The following NR5A2 variants were observed in gnomAD, a reference collection of about 807,000 sequenced individuals.
The protein encoded by NR5A2 is nuclear receptor subfamily 5 group A member 2.
Under a neutral mutation model 62.7 loss-of-function variants are expected in NR5A2, and 26 were observed. The ratio of observed to expected loss-of-function variants is 0.41; its 90% CI spans 0.30 to 0.58. The LOEUF is 0.58. NR5A2 is among the 20% of genes least tolerant of loss of function. The probability of loss-of-function intolerance (pLI) is 0.22; values close to 1 mark genes in which losing one functional copy is unlikely to be tolerated. For synonymous variants in NR5A2, 246 were observed against 241.7 expected, an observed-to-expected ratio of 1.02 and a Z score of -0.16; for missense variants, 541 against 669.1, an observed-to-expected ratio of 0.81 and a Z score of 2.11.
intron 5 of NR5A2, among the ~76,000 whole-genome samples, chr1:200,067,146 C>T (rs1303415312): frequency 1.3e-5 from 2 of 152,186 alleles, no homozygotes; most frequent in East Asian, 3.9e-4. Context: ...CCTATCTATG[C>T]AGCCATAAAA....
intron 5 of NR5A2, among the ~76,000 whole-genome samples, chr1:200,104,010 A>C (rs1665521270): frequency 6.6e-6 from 1 of 152,190 alleles, no homozygotes; most frequent in Non-Finnish European, 1.5e-5. Flanking sequence ...TGGGAATAGA[A>C]AAGAGAGAGT....
chr1:200,069,864 T>A (rs1413201824), intron 5 of NR5A2, among the ~76,000 whole-genome samples: 2 of 118,146 alleles, frequency 1.7e-5, no homozygotes, highest in African/African-American at 6.6e-5. Context: ...TCTCTAATTA[T>A]GTCTCAATAT....
intron 5 of NR5A2, among the ~76,000 whole-genome samples, chr1:200,107,472 T>A (rs951231808): frequency 6.6e-6 from 1 of 152,076 alleles, no homozygotes; most frequent in Non-Finnish European, 1.5e-5. Flanking sequence ...CAGGATAATG[T>A]GAACAGCACA....
chr1:200,137,328 T>C (rs1667268716), intron 7 of NR5A2, among the ~76,000 whole-genome samples: 1 of 151,138 alleles, frequency 6.6e-6, no homozygotes, highest in Non-Finnish European at 1.5e-5. Context: ...TTTTTTTTTT[T>C]TTTTTTTTTA....
rs1001752241 is a variant in NR5A2, at chr1:200,154,937, C to T, written c.1379-19026C>T. 1.7e-4 allele frequency among the ~76,000 whole-genome samples: 26 copies of T among 152,182 alleles called. No homozygotes were observed. The East Asian group carries it at 1.7e-3, about 10-fold the overall frequency. On this transcript the variant is annotated intron_variant, in intron 7 of 7. Coordinates refer to ENST00000367362, the MANE Select transcript of NR5A2 (RefSeq NM_205860.3). ...TTTTACCTACCCAACAAGGTTTCTA[C>T]GCATTCCAGCCTCCAAGGAGGGGTG...
At chr1:200,116,963 A>G (rs1374967135) in intron 6 of NR5A2, among the ~76,000 whole-genome samples, 2 of 152,218 alleles carry the variant, frequency 1.3e-5, no homozygotes, top group Non-Finnish European at 2.9e-5. Context: ...ATTATCTTCT[A>G]TTATTGTGTA....
intron 5 of NR5A2, among the ~76,000 whole-genome samples, chr1:200,073,850 T>TA (rs1663872138): frequency 6.6e-6 from 1 of 152,174 alleles, no homozygotes; most frequent in Non-Finnish European, 1.5e-5. Context: ...AGTCCTTGCT[T>TA]ACTAGCCTCG....
chr1:200,079,142 A>G (rs572779424), intron 5 of NR5A2, among the ~76,000 whole-genome samples: 1 of 152,324 alleles, frequency 6.6e-6, no homozygotes, highest in East Asian at 1.9e-4. Context: ...TTTCACCAGA[A>G]CAAATGTTAT....
chr1:200,027,843 T>G lies in NR5A2; in HGVS notation c.-5T>G. ...GCCAAAGAACTGCCTATAATTTCAC[T>G]AAGAATGTCTTCTAATTCAGATACT... On this transcript the variant is annotated 5_prime_UTR_variant, in exon 1 of 8. Transcript: ENST00000367362. 1 of 1,598,448 alleles carries G rather than the reference T, an allele frequency of 6.3e-7. No homozygotes were observed. Among genetic ancestry groups the G allele is most frequent in the Non-Finnish European group, 8.5e-7 (1 of 1,171,944 alleles).
At chr1:200,067,979 AT>A (rs1361779275) in intron 5 of NR5A2, among the ~76,000 whole-genome samples, 2 of 152,116 alleles carry the variant, frequency 1.3e-5, no homozygotes, top group African/African-American at 4.8e-5. Flanking sequence ...CTTTAAAGGT[AT>A]TTTTCTCCTT....
At chr1:200,132,019 C>CT (rs1030263127) in intron 7 of NR5A2, among the ~76,000 whole-genome samples, 9 of 151,932 alleles carry the variant, frequency 5.9e-5, no homozygotes, top group East Asian at 3.9e-4. Context: ...AACATAGAGT[C>CT]TTTTTTTTGT....
intron 5 of NR5A2, among the ~76,000 whole-genome samples, chr1:200,073,129 A>G (rs1242264529): frequency 1.3e-5 from 2 of 151,522 alleles, no homozygotes; most frequent in African/African-American, 4.9e-5. Flanking sequence ...ACATAGTTGA[A>G]ACTGGAAGAA....
intron 7 of NR5A2, among the ~76,000 whole-genome samples, chr1:200,170,008 A>T (rs1654098019): frequency 6.6e-6 from 1 of 152,214 alleles, no homozygotes; most frequent in Non-Finnish European, 1.5e-5. Context: ...CAGATGTGGG[A>T]CAATGCTATT....
At chr1:200,057,656 T>C in intron 5 of NR5A2, 1 of 325,006 alleles carries the variant, frequency 3.1e-6, no homozygotes, top group Non-Finnish European at 6.2e-6. Context: ...TTTTTGTATT[T>C]TTAGTAGAGA....
intron 1 of NR5A2, among the ~76,000 whole-genome samples, chr1:200,036,181 C>T (rs1661770672): frequency 1.3e-5 from 2 of 152,210 alleles, no homozygotes; most frequent in Admixed American, 1.3e-4. Flanking sequence ...TACATCTCAA[C>T]TGCTTTCCCT....
Position 200,039,537 on chromosome 1 carries a change from G to A in NR5A2, c.65-121G>A. Reference sequence around the variant, plus strand: ...AGACCGGACAGGGCTCAGAGGTCCTGCCCGGCAGCCCCGAGGAGGCGGAGG... The same window carrying A: ...AGACCGGACAGGGCTCAGAGGTCCTACCCGGCAGCCCCGAGGAGGCGGAGG... On this transcript the variant is annotated intron_variant, in intron 1 of 7. Transcript: ENST00000367362. The surrounding 1 kb of genome is among the most constrained non-coding windows in gnomAD (Gnocchi z 5.1). 4.1e-6 allele frequency: 6 copies of A among 1,450,340 alleles called. No individual in the cohort carries two copies. Among genetic ancestry groups the A allele is most frequent in the Admixed American group, 3.6e-5 (2 of 55,342 alleles). 89.8% of individuals were successfully genotyped at this position (1,450,340 alleles called of 1,614,324 possible).
chr1:200,042,831 T>C, intron 2 of NR5A2: 1 of 985,536 alleles, frequency 1.0e-6, no homozygotes, highest in Non-Finnish European at 1.2e-6. Flanking sequence ...GTGCATAGTT[T>C]GTCATCTTTT....
intron 5 of NR5A2, among the ~76,000 whole-genome samples, chr1:200,063,935 G>A (rs532981576): frequency 6.6e-6 from 1 of 152,252 alleles, no homozygotes; most frequent in African/African-American, 2.4e-5. Context: ...GATCACCTGA[G>A]TTCAGGAGTT....
chr1:200,048,101 A>G lies in NR5A2; in HGVS notation c.464-71A>G, dbSNP rs536261343. ...TTCTTGTCGATTTACATTTCTAAAT[A>G]TCTGAAGAATGCTAATAATTTGCAC... On this transcript the variant is annotated intron_variant, in intron 4 of 7. Transcript: ENST00000367362. The surrounding 1 kb of genome is among the most constrained non-coding windows in gnomAD (Gnocchi z 4.8). 1 of 1,362,606 alleles carries G rather than the reference A, an allele frequency of 7.3e-7. No homozygotes were observed. Among genetic ancestry groups the G allele is most frequent in the African/African-American group, 1.5e-5 (1 of 68,926 alleles). 84.4% of individuals were successfully genotyped at this position (1,362,606 alleles called of 1,614,324 possible).
Sources: allele counts gnomAD v4.1 joint callset (sites outside exome capture counted in the v4.1 genomes callset), GRCh38; gene constraint gnomAD v4.1.1; non-coding constraint Gnocchi (gnomAD v3.1); transcripts MANE v1.5; gene names NCBI Gene and HGNC (gene_info 2026-07-23, HGNC 2026-07-21).